The following PTPRG variants were observed in gnomAD, a reference collection of about 807,000 sequenced individuals.
PTPRG encodes protein tyrosine phosphatase receptor type G.
Under a neutral mutation model 165.3 loss-of-function variants are expected in PTPRG, and 102 were observed. The observed-to-expected ratio is 0.62, with a 90% confidence interval of 0.53 to 0.73. PTPRG has a LOEUF of 0.73. Ranked by LOEUF, PTPRG falls within the 30% of genes least tolerant of loss-of-function variation. The pLI, the probability that PTPRG is intolerant of heterozygous loss-of-function variation, is 0.00. For missense variants in PTPRG, 1,866 were observed against 1,861.4 expected (o/e 1.00, Z -0.05); for synonymous variants, 675 against 669.5 (o/e 1.01, Z -0.13).
intron 1 of PTPRG, among the ~76,000 whole-genome samples, chr3:61,716,456 A>G (rs1045999427): frequency 6.6e-6 from 1 of 152,216 alleles, no homozygotes; most frequent in African/African-American, 2.4e-5. Context: ...TGGATTATTA[A>G]TATTTAAGTC....
intron 2 of PTPRG, among the ~76,000 whole-genome samples, chr3:61,817,300 T>TA (rs397958669): frequency 6.8e-6 from 1 of 147,010 alleles, no homozygotes; most frequent in Non-Finnish European, 1.5e-5. Context: ...AATTTTTTTT[T>TA]AAATGGTTCA....
intron 1 of PTPRG, among the ~76,000 whole-genome samples, chr3:61,641,775 C>T (rs997908523): frequency 3.3e-5 from 5 of 152,108 alleles, no homozygotes; most frequent in Admixed American, 6.5e-5. Flanking sequence ...TCTAGAAGCA[C>T]GGACATGGGC....
intron 1 of PTPRG, among the ~76,000 whole-genome samples, chr3:61,620,443 G>A (rs1050229331): frequency 2.6e-5 from 4 of 152,080 alleles, no homozygotes; most frequent in African/African-American, 9.7e-5. Context: ...ATAATGAGGT[G>A]GCCTCACAGA....
At chr3:61,713,873 G>A (rs1386758493) in intron 1 of PTPRG, among the ~76,000 whole-genome samples, 4 of 152,130 alleles carry the variant, frequency 2.6e-5, no homozygotes, top group African/African-American at 9.7e-5. Context: ...CTAATTGCAT[G>A]GGTGATTTAA....
At chr3:61,824,083 C>A (rs67019815) in intron 2 of PTPRG, among the ~76,000 whole-genome samples, 4 of 151,814 alleles carry the variant, frequency 2.6e-5, no homozygotes, top group Non-Finnish European at 2.9e-5. Context: ...AAGATCGCTC[C>A]ACTGCACTCC....
intron 2 of PTPRG, among the ~76,000 whole-genome samples, chr3:61,761,582 C>CAAAA (rs1553662824): frequency 7.8e-6 from 1 of 128,434 alleles, no homozygotes; most frequent in African/African-American, 2.8e-5. Flanking sequence ...CGCCTCAAAA[C>CAAAA]AAAGAAACAA....
chr3:61,816,380 A>C (rs1294068475), intron 2 of PTPRG, among the ~76,000 whole-genome samples: 1 of 152,230 alleles, frequency 6.6e-6, no homozygotes. Flanking sequence ...AAATACAAAA[A>C]AAATTGCTGG....
intron 2 of PTPRG, among the ~76,000 whole-genome samples, chr3:61,939,928 C>CCTTTTTTTTTTTTT (rs2039573821): frequency 2.6e-5 from 1 of 39,108 alleles, no homozygotes; most frequent in African/African-American, 9.0e-5. Flanking sequence ...ACTGACTTGT[C>CCTTTTTTTTTTTTT]TTTTTTTTTT....
chr3:61,926,653 AT>A (rs1022722264), intron 2 of PTPRG, among the ~76,000 whole-genome samples: 17 of 123,496 alleles, frequency 1.4e-4, no homozygotes, highest in African/African-American at 5.1e-4. Flanking sequence ...ATCATAAGGT[AT>A]TTTTTTATAT....
intron 2 of PTPRG, among the ~76,000 whole-genome samples, chr3:61,978,111 C>T (rs2040551153): frequency 6.6e-6 from 1 of 152,200 alleles, no homozygotes; most frequent in South Asian, 2.1e-4. Context: ...CTCAGCCTCC[C>T]AAAGTGCTGG....
chr3:62,173,331 G>A (rs1705291332), intron 8 of PTPRG, among the ~76,000 whole-genome samples: 1 of 151,976 alleles, frequency 6.6e-6, no homozygotes. Flanking sequence ...AGTGCCGACT[G>A]TACTCAATTC....
At chr3:61,919,189 A>G (rs891232059) in intron 2 of PTPRG, among the ~76,000 whole-genome samples, 4 of 152,176 alleles carry the variant, frequency 2.6e-5, no homozygotes, top group East Asian at 3.9e-4. Flanking sequence ...TGGTTTTTAC[A>G]TGGAGTCTAG....
In PTPRG at chr3:61,912,606, G is replaced by A. The variant is rs192571425; in HGVS notation, c.191-77019G>A. Among the ~76,000 whole-genome samples, 556 of 152,264 alleles carry A rather than the reference G, an allele frequency of 3.7e-3. 3 individuals carry two copies. The highest frequency in any genetic ancestry group is 0.012 in the African/African-American group (517 of 41,554). On this transcript the variant is annotated intron_variant, in intron 2 of 29. Coordinates refer to ENST00000474889, the MANE Select transcript of PTPRG (RefSeq NM_002841.4). ...GACAGTCTTTTCTAAAAGTTGTATAGCTGTTTTTTGATCTTTTGCCTTTTT... is the reference window on the plus strand; with the variant it reads ...GACAGTCTTTTCTAAAAGTTGTATAACTGTTTTTTGATCTTTTGCCTTTTT...
At chr3:61,813,547 G>GTGTC (rs1403737262) in intron 2 of PTPRG, among the ~76,000 whole-genome samples, 7 of 77,408 alleles carry the variant, frequency 9.0e-5, no homozygotes, top group Non-Finnish European at 1.7e-4. Context: ...GAAAATCTGT[G>GTGTC]TGTGTGTGTG....
chr3:61,637,633 A>G (rs1272036500), intron 1 of PTPRG, among the ~76,000 whole-genome samples: 2 of 152,162 alleles, frequency 1.3e-5, no homozygotes, highest in Non-Finnish European at 2.9e-5. Flanking sequence ...GCCGGAGCAC[A>G]CACCTGCGGG....
chr3:61,793,102 T>C (rs1288291595), intron 2 of PTPRG, among the ~76,000 whole-genome samples: 8 of 152,178 alleles, frequency 5.3e-5, no homozygotes, highest in Non-Finnish European at 1.0e-4. Flanking sequence ...GTTCAGTGAA[T>C]GATTGTGAAT....
At chr3:61,796,563 A>T (rs549661396) in intron 2 of PTPRG, among the ~76,000 whole-genome samples, 1 of 152,078 alleles carries the variant, frequency 6.6e-6, no homozygotes, top group Non-Finnish European at 1.5e-5. Context: ...CAAGTTGACC[A>T]TTGTGGCAAG....
chr3:62,123,694 C>G (rs946469532), intron 5 of PTPRG, among the ~76,000 whole-genome samples: 1 of 151,986 alleles, frequency 6.6e-6, no homozygotes, highest in African/African-American at 2.4e-5. Context: ...ATCTCTGCCA[C>G]TATACAAGAA....
chr3:61,583,527 T>G (rs774848363), intron 1 of PTPRG, among the ~76,000 whole-genome samples: 1 of 152,188 alleles, frequency 6.6e-6, no homozygotes, highest in Admixed American at 6.5e-5. Context: ...ACTGCTATTA[T>G]TTTTGCCTGC....
Sources: allele counts gnomAD v4.1 joint callset (sites outside exome capture counted in the v4.1 genomes callset), GRCh38; gene constraint gnomAD v4.1.1; transcripts MANE v1.5; gene names NCBI Gene and HGNC (gene_info 2026-07-23, HGNC 2026-07-21).